SPDYE4: variants seen among roughly 807,000 people sequenced by gnomAD.
SPDYE4 encodes speedy protein E4.
SPDYE4 carries 30 observed loss-of-function variants against 37.5 expected under a neutral mutation model. That is an observed-to-expected ratio of 0.80 (90% confidence interval 0.60 to 1.09). The LOEUF is 1.09. Among genes scored for constraint, SPDYE4 ranks in the 50% least tolerant of loss-of-function variants. The pLI, the probability that SPDYE4 is intolerant of heterozygous loss-of-function variation, is 0.00. For missense variants in SPDYE4, 300 were observed against 307.9 expected (o/e 0.97, Z 0.19); for synonymous variants, 131 against 120.3 (o/e 1.09, Z -0.58).
downstream of SPDYE4, among the ~76,000 whole-genome samples, chr17:8,748,327 C>T (rs2086704152): frequency 6.6e-6 from 1 of 152,252 alleles, no homozygotes; most frequent in Non-Finnish European, 1.5e-5. Flanking sequence ...GAGGGAGCAA[C>T]AGGAAGACAG....
In SPDYE4 at chr17:8,756,485, G is replaced by GT. The variant is rs775283697; in HGVS notation, c.341-50dup. The GT allele has an allele frequency of 2.5e-6, 4 of 1,572,882 alleles. No homozygotes were observed. In the Admixed American group the frequency reaches 6.7e-5, roughly 26 times the overall value. On this transcript the variant is annotated intron_variant, in intron 2 of 6. Coordinates refer to ENST00000689094, the MANE Select transcript of SPDYE4 (RefSeq NM_001394956.1). ...GGGTGAGAAGTGGAACAGGGTTGCC[G>GT]TGGGAGCAGCAGAGCAGAGAGGAGA...
At chr17:8,750,651 A>G (rs997135061), downstream of SPDYE4, among the ~76,000 whole-genome samples, 5 of 152,202 alleles carry the variant, frequency 3.3e-5, no homozygotes, top group Non-Finnish European at 7.3e-5. Context: ...TGGAGCTTGC[A>G]GTGAGCTGAG....
chr17:8,755,708 A>G (rs1273228736), intron 3 of SPDYE4, 103 bp from the exon 4 acceptor site: 1 of 1,387,398 alleles, frequency 7.2e-7, no homozygotes, highest in Non-Finnish European at 1.0e-6. Context: ...GTTGTCTATC[A>G]CAGAAGGAAC....
downstream of SPDYE4, among the ~76,000 whole-genome samples, chr17:8,747,579 T>G (rs1415376815): frequency 6.6e-6 from 1 of 152,240 alleles, no homozygotes; most frequent in Non-Finnish European, 1.5e-5. Context: ...ATGTTCAATG[T>G]GAAAATTCAT....
rs1651129902 is a variant in SPDYE4, at chr17:8,751,242, G to A, written c.*1040C>T. Among the ~76,000 whole-genome samples the A allele has an allele frequency of 6.6e-6, 1 of 152,284 alleles. No individual in the cohort carries two copies. The highest frequency in any genetic ancestry group is 1.5e-5 in the Non-Finnish European group (1 of 68,020). On this transcript the variant is annotated 3_prime_UTR_variant, in exon 7 of 7. Transcript: ENST00000689094. ...AAAATGAAAACAGAATTATATCTAT[G>A]TGTATATAACAGGTGTAACACCCAT... is the stretch of plus-strand genomic sequence containing the variant.
At position 8,758,516 on chromosome 17, in the gene SPDYE4, A is replaced by G. The variant is rs537840482; in HGVS notation, c.-134T>C. On this transcript the variant is annotated 5_prime_UTR_variant, in exon 1 of 7. Transcript: ENST00000689094. ...GGCTCGGGAGAAGTTAGGAGTGAAG[A>G]GTAGTTCTGAGAAGTTGCTGTTGTC... is the stretch of plus-strand genomic sequence containing the variant. The G allele has an allele frequency of 1.9e-5, 15 of 808,118 alleles. No homozygotes were observed. The highest frequency in any genetic ancestry group is 1.2e-4 in the African/African-American group (7 of 57,668). 50.1% of individuals were successfully genotyped at this position (808,118 alleles called of 1,614,324 possible). A position where few individuals can be genotyped will look rare whatever the true frequency, so the allele number is the denominator to read the frequency against.
In SPDYE4 at chr17:8,753,154, C is replaced by T. The variant is rs1555523903; in HGVS notation, c.698G>A (p.Arg233His). 6.2e-7 allele frequency: 1 copy of T among 1,613,968 alleles called. No individual in the cohort carries two copies. Among genetic ancestry groups the T allele is most frequent in the East Asian group, 2.2e-5 (1 of 44,848 alleles). The change falls in exon 6 of 7, where the codon CGC (arginine) becomes CAC (histidine). Residue 233 changes from arginine to histidine, a missense_variant. Physicochemically the swap from Arg to His is conservative, Grantham distance 29. Coordinates refer to ENST00000689094, the MANE Select transcript of SPDYE4 (RefSeq NM_001394956.1). ...DPEHWVWARD[R>H]TLIS ...CCCGGAGCTCTAGGAAATGAGGGTGCGATCTCGGGCCCACACCCAGTGCTC... is the reference window on the plus strand; with the variant it reads ...CCCGGAGCTCTAGGAAATGAGGGTGTGATCTCGGGCCCACACCCAGTGCTC...
At chr17:8,755,687 G>A in intron 3 of SPDYE4, 82 bp from the exon 4 acceptor site, 1 of 1,510,414 alleles carries the variant, frequency 6.6e-7, no homozygotes, top group Non-Finnish European at 9.2e-7. Context: ...GGGAACAGGG[G>A]CTGGGGCGCG....
rs774700452 is a variant in SPDYE4, at chr17:8,755,599, G to A, written c.406C>T (p.Leu136=). Residue 136 remains leucine (L), a synonymous_variant, in exon 4 of 7, where the codon CTG becomes TTG. Coordinates refer to ENST00000689094, the MANE Select transcript of SPDYE4 (RefSeq NM_001394956.1). The part of the protein sequence containing the change: ...KDLRVSDKYL[L]AMVIAYFSRA... ...CTAAAATACGCTATGACCATAGCCA[G>A]GAGATACTGATGGAGAGAAGGGAGT... The A allele has an allele frequency of 3.7e-6, 6 of 1,612,642 alleles. No individual in the cohort carries two copies. Among genetic ancestry groups the A allele is most frequent in the South Asian group, 1.1e-5 (1 of 91,058 alleles).
chr17:8,753,176 G>T lies in SPDYE4; in HGVS notation c.676C>A (p.His226Asn). The T allele has an allele frequency of 6.2e-7, 1 of 1,613,952 alleles. No individual in the cohort carries two copies. Among genetic ancestry groups the T allele is most frequent in the Non-Finnish European group, 8.5e-7 (1 of 1,180,006 alleles). Residue 226 changes from histidine (H) to asparagine (N), a missense_variant, in exon 6 of 7, where the codon CAC becomes AAC. Transcript: ENST00000689094. ...MEEIQAYDPE[H>N]WVWARDRTLI... ...GTGCGATCTCGGGCCCACACCCAGTGCTCTGGGTCATAAGCCTGGATCTGG... is the reference window on the plus strand; with the variant it reads ...GTGCGATCTCGGGCCCACACCCAGTTCTCTGGGTCATAAGCCTGGATCTGG...
chr17:8,751,885 C>T lies in SPDYE4; in HGVS notation c.*397G>A, dbSNP rs73260151. Reference sequence around the variant, plus strand: ...AATTCCGTAACAATCTGAGTGCCTGCGCTGTGCCTTCAAATGCTCTGGACT... The same window carrying T: ...AATTCCGTAACAATCTGAGTGCCTGTGCTGTGCCTTCAAATGCTCTGGACT... On this transcript the variant is annotated 3_prime_UTR_variant, in exon 7 of 7. Transcript: ENST00000689094. Among the ~76,000 whole-genome samples, 2,544 of 152,262 alleles carry T rather than the reference C, an allele frequency of 0.017. 70 individuals are homozygous for T. Among genetic ancestry groups the T allele is most frequent in the African/African-American group, 0.057 (2,351 of 41,532 alleles).
At position 8,758,496 on chromosome 17, in the gene SPDYE4, G is replaced by C; in HGVS notation, c.-114C>G. The C allele has an allele frequency of 9.7e-7, 1 of 1,026,840 alleles. No homozygotes were observed. Among genetic ancestry groups the C allele is most frequent in the South Asian group, 1.4e-5 (1 of 69,016 alleles). 63.6% of individuals were successfully genotyped at this position (1,026,840 alleles called of 1,614,324 possible). A position where few individuals can be genotyped will look rare whatever the true frequency, so the allele number is the denominator to read the frequency against. On this transcript the variant is annotated 5_prime_UTR_variant, in exon 1 of 7. Transcript: ENST00000689094. ...GAGTGCGTTTCTCTTCTAGAGGCTC[G>C]GGAGAAGTTAGGAGTGAAGAGTAGT...
chr17:8,756,504 G>T, intron 2 of SPDYE4, 68 bp from the exon 3 acceptor site: 1 of 1,454,996 alleles, frequency 6.9e-7, no homozygotes, highest in Non-Finnish European at 9.6e-7. Flanking sequence ...GCAGAGCAGA[G>T]AGGAGAACTG....
At position 8,758,412 on chromosome 17, in the gene SPDYE4, A is replaced by C; in HGVS notation, c.-30T>G. The C allele has an allele frequency of 6.5e-7, 1 of 1,537,606 alleles. No homozygotes were observed. Among genetic ancestry groups the C allele is most frequent in the Non-Finnish European group, 8.8e-7 (1 of 1,133,920 alleles). On this transcript the variant is annotated 5_prime_UTR_variant, in exon 1 of 7. Transcript: ENST00000689094. Reference sequence around the variant, plus strand: ...TCTCCCAAACACTTTGTTTCTGTCCACAAAACCTAGTCCCTGTTCTGTCCA... The same window carrying C: ...TCTCCCAAACACTTTGTTTCTGTCCCCAAAACCTAGTCCCTGTTCTGTCCA...
downstream of SPDYE4, among the ~76,000 whole-genome samples, chr17:8,749,409 G>A (rs555739656): frequency 3.3e-4 from 50 of 152,124 alleles, 1 homozygote; most frequent in African/African-American, 1.1e-3. Context: ...GACTACAGGC[G>A]CATGCCACTA....
rs548308571 is a variant in SPDYE4, at chr17:8,756,722, C to T, written c.341-286G>A. 1.2e-4 allele frequency among the ~76,000 whole-genome samples: 19 copies of T among 152,242 alleles called. 1 individual carries two copies. The highest frequency in any genetic ancestry group is 4.6e-4 in the Admixed American group (7 of 15,286). On this transcript the variant is annotated intron_variant, in intron 2 of 6. Transcript: ENST00000689094. Reference sequence around the variant, plus strand: ...CCCATCAGACAGGAAGGGACCACTGCAGAAGTCATAATAGAATTCCCATCA... The same window carrying T: ...CCCATCAGACAGGAAGGGACCACTGTAGAAGTCATAATAGAATTCCCATCA...
chr17:8,752,692 C>T (rs950576012), intron 6 of SPDYE4, among the ~76,000 whole-genome samples: 11 of 152,094 alleles, frequency 7.2e-5, no homozygotes, highest in African/African-American at 2.7e-4. Context: ...AATGCTTGGT[C>T]CTAAATGTGG....
chr17:8,748,001 C>T (rs982907791), downstream of SPDYE4, among the ~76,000 whole-genome samples: 2 of 152,184 alleles, frequency 1.3e-5, no homozygotes, highest in Admixed American at 6.5e-5. Context: ...GTGGAAACTC[C>T]TGATAAACCC....
chr17:8,753,511 C>G (rs2086747773), intron 4 of SPDYE4, 22 bp from the exon 5 acceptor site: 2 of 1,611,834 alleles, frequency 1.2e-6, no homozygotes, highest in Non-Finnish European at 1.7e-6. Context: ...GATCAGGTTG[C>G]TGCTCAGGGG....
Sources: gnomAD v4.1 joint callset for allele counts (sites outside exome capture counted in the v4.1 genomes callset) on GRCh38, gnomAD v4.1.1 for gene constraint, MANE v1.5 for transcripts, NCBI Gene and HGNC (gene_info 2026-07-23, HGNC 2026-07-21) for gene names.